The following CCSER1 variants were observed in gnomAD, a reference collection of about 807,000 sequenced individuals.
The protein encoded by CCSER1 is coiled-coil serine rich protein 1.
Under a neutral mutation model 82.0 loss-of-function variants are expected in CCSER1, and 41 were observed. The ratio of observed to expected loss-of-function variants is 0.50; its 90% CI spans 0.39 to 0.65. The LOEUF (loss-of-function observed/expected upper bound fraction) is 0.65. CCSER1 is among the 30% of genes least tolerant of loss of function. CCSER1 has a pLI of 0.00. For synonymous variants in CCSER1, 414 were observed against 383.9 expected (o/e 1.08, Z -0.92); for missense variants, 1,119 against 1,064.2 (o/e 1.05, Z -0.72).
At chr4:90,381,913 T>G (rs939056441) in intron 3 of CCSER1, among the ~76,000 whole-genome samples, 3 of 152,142 alleles carry the variant, frequency 2.0e-5, no homozygotes, top group Non-Finnish European at 4.4e-5. Context: ...ATTAATGAAT[T>G]TGAATTGACT....
intron 5 of CCSER1, among the ~76,000 whole-genome samples, chr4:90,565,231 T>A (rs1160969990): frequency 6.6e-6 from 1 of 152,026 alleles, no homozygotes. Context: ...GTACAGATAT[T>A]TTACCTCTTT....
chr4:91,593,354 C>T lies in CCSER1; in HGVS notation c.2218-5218C>T, dbSNP rs368938114. Among the ~76,000 whole-genome samples, 47 of 149,988 alleles carry T rather than the reference C, an allele frequency of 3.1e-4. No homozygotes were observed. The East Asian group carries it at 8.9e-3, about 28-fold the overall frequency. On this transcript the variant is annotated intron_variant, in intron 10 of 10. Coordinates refer to ENST00000509176, the MANE Select transcript of CCSER1 (RefSeq NM_001145065.2). Reference sequence around the variant, plus strand: ...GAATGTTTTCTAACAGCTTACTGTACTTGATGTTATAAGAAAAATAATTTT... The same window carrying T: ...GAATGTTTTCTAACAGCTTACTGTATTTGATGTTATAAGAAAAATAATTTT...
intron 1 of CCSER1, among the ~76,000 whole-genome samples, chr4:90,276,487 C>CA (rs58164193): frequency 0.091 from 13,817 of 151,102 alleles, 1,366 homozygotes; most frequent in East Asian, 0.25. Flanking sequence ...GCTGGGATTA[C>CA]AATAAGTGCC....
chr4:91,396,848 A>G (rs1752011202), intron 10 of CCSER1, among the ~76,000 whole-genome samples: 1 of 152,068 alleles, frequency 6.6e-6, no homozygotes, highest in African/African-American at 2.4e-5. Flanking sequence ...GTAAATGAGC[A>G]GCTGTGGAGA....
chr4:90,504,525 A>G (rs1022390297), intron 5 of CCSER1, among the ~76,000 whole-genome samples: 2 of 152,036 alleles, frequency 1.3e-5, no homozygotes, highest in Non-Finnish European at 2.9e-5. Flanking sequence ...TCTAATTTGA[A>G]TTTTTCTGAT....
chr4:90,937,504 A>ACACAC (rs757870134), intron 9 of CCSER1, among the ~76,000 whole-genome samples: 3 of 77,732 alleles, frequency 3.9e-5, no homozygotes, highest in Admixed American at 1.5e-4. Context: ...CACACACACA[A>ACACAC]ACACACACAC....
chr4:90,156,238 C>T (rs1320673341), intron 1 of CCSER1, among the ~76,000 whole-genome samples: 1 of 152,060 alleles, frequency 6.6e-6, no homozygotes, highest in African/African-American at 2.4e-5. Flanking sequence ...GTCTGAGAGA[C>T]AGTTTGTTAT....
intron 5 of CCSER1, among the ~76,000 whole-genome samples, chr4:90,601,540 G>T (rs1784040879): frequency 6.6e-6 from 1 of 151,746 alleles, no homozygotes; most frequent in African/African-American, 2.4e-5. Context: ...TTCTTTACTT[G>T]TATGCTATTT....
chr4:90,208,138 G>A (rs536949291), intron 1 of CCSER1, among the ~76,000 whole-genome samples: 2 of 152,300 alleles, frequency 1.3e-5, no homozygotes, highest in African/African-American at 4.8e-5. Flanking sequence ...AGGGAAATAG[G>A]AGTTTTATCT....
At chr4:91,380,166 A>C (rs1032146891) in intron 10 of CCSER1, among the ~76,000 whole-genome samples, 2 of 152,166 alleles carry the variant, frequency 1.3e-5, no homozygotes, top group Admixed American at 6.5e-5. Context: ...TTTACTTCCA[A>C]CTATGTGGTC....
At chr4:90,807,117 G>A (rs966383449) in intron 7 of CCSER1, among the ~76,000 whole-genome samples, 1 of 152,126 alleles carries the variant, frequency 6.6e-6, no homozygotes, top group African/African-American at 2.4e-5. Context: ...GACTAAAGAA[G>A]TTAAGTAACT....
chr4:90,381,626 T>A lies in CCSER1; in HGVS notation c.1510-18410T>A, dbSNP rs970240370. Among the ~76,000 whole-genome samples, 4 of 152,068 alleles carry A rather than the reference T, an allele frequency of 2.6e-5. No individual in the cohort carries two copies. In the East Asian group the frequency reaches 7.7e-4, roughly 29 times the overall value. On this transcript the variant is annotated intron_variant, in intron 3 of 10. Coordinates refer to ENST00000509176, the MANE Select transcript of CCSER1 (RefSeq NM_001145065.2). ...CAGAAATGTAATGATCCTGTTGCTG[T>A]AAAGGAAAATAAAGAAAGAGGGGGA...
intron 6 of CCSER1, among the ~76,000 whole-genome samples, chr4:90,673,136 C>T (rs1733126860): frequency 6.6e-6 from 1 of 151,882 alleles, no homozygotes; most frequent in Admixed American, 6.6e-5. Flanking sequence ...TTGCCACAAA[C>T]CTTCAATTTG....
chr4:90,419,785 T>C (rs1478454128), intron 4 of CCSER1, among the ~76,000 whole-genome samples: 1 of 151,934 alleles, frequency 6.6e-6, no homozygotes, highest in Non-Finnish European at 1.5e-5. Flanking sequence ...ATAATTCACT[T>C]TGGAAATATA....
intron 10 of CCSER1, among the ~76,000 whole-genome samples, chr4:91,122,391 T>C (rs752715872): frequency 1.3e-5 from 2 of 151,816 alleles, no homozygotes; most frequent in African/African-American, 4.8e-5. Context: ...TCATTACTCA[T>C]GTATAACATG....
chr4:90,943,027 C>T (rs1212727743), intron 9 of CCSER1, among the ~76,000 whole-genome samples: 1 of 151,032 alleles, frequency 6.6e-6, no homozygotes, highest in Non-Finnish European at 1.5e-5. Context: ...CTTTGATGAA[C>T]AGCCTGGAAG....
chr4:90,316,878 G>T (rs1561016216), intron 3 of CCSER1, among the ~76,000 whole-genome samples: 1 of 152,128 alleles, frequency 6.6e-6, no homozygotes, highest in Non-Finnish European at 1.5e-5. Context: ...ATTGGGATTG[G>T]CTTAGGTTTA....
chr4:90,940,021 A>C (rs1731405169), intron 9 of CCSER1, among the ~76,000 whole-genome samples: 1 of 152,120 alleles, frequency 6.6e-6, no homozygotes, highest in Non-Finnish European at 1.5e-5. Flanking sequence ...TCCCCTGATA[A>C]AGGTTTTTAT....
intron 8 of CCSER1, among the ~76,000 whole-genome samples, chr4:90,823,079 T>C (rs543941023): frequency 5.6e-4 from 86 of 152,314 alleles, no homozygotes; most frequent in Non-Finnish European, 9.6e-4. Flanking sequence ...AGGGAATACA[T>C]TGACTGTAGG....
Sources: gnomAD v4.1 joint callset for allele counts (sites outside exome capture counted in the v4.1 genomes callset) on GRCh38, gnomAD v4.1.1 for gene constraint, MANE v1.5 for transcripts, NCBI Gene and HGNC (gene_info 2026-07-23, HGNC 2026-07-21) for gene names.